The following GLT1D1 variants were observed in gnomAD, a reference collection of about 807,000 sequenced individuals.
The protein encoded by GLT1D1 is glycosyltransferase 1 domain containing 1.
Under a neutral mutation model 28.7 loss-of-function variants are expected in GLT1D1, and 21 were observed. The observed-to-expected ratio is 0.73, with a 90% CI of 0.52 to 1.05. GLT1D1 has a LOEUF of 1.05. Ranked by LOEUF, GLT1D1 falls within the 50% of genes least tolerant of loss-of-function variation. GLT1D1 has a pLI of 0.00. For synonymous variants in GLT1D1, 147 were observed against 124.8 expected (o/e 1.18, Z -1.19); for missense variants, 343 against 330.6 (o/e 1.04, Z -0.29).
intron 4 of GLT1D1, among the ~76,000 whole-genome samples, chr12:128,921,659 G>A (rs542233399): frequency 2.4e-4 from 36 of 152,112 alleles, no homozygotes; most frequent in South Asian, 1.9e-3. Flanking sequence ...ATCCCAGGAC[G>A]GGGGTAGTTG....
At chr12:128,893,181 G>T (rs945821326) in intron 3 of GLT1D1, among the ~76,000 whole-genome samples, 22 of 152,166 alleles carry the variant, frequency 1.4e-4, no homozygotes, top group African/African-American at 4.6e-4. Context: ...AGAGGCAGAG[G>T]TTGAAGTGAG....
chr12:128,960,117 C>T (rs181401036), intron 7 of GLT1D1, among the ~76,000 whole-genome samples: 5 of 152,252 alleles, frequency 3.3e-5, no homozygotes, highest in South Asian at 4.1e-4. Flanking sequence ...CACGACTCTG[C>T]GGCACTCACG....
chr12:128,976,059 G>A (rs1879735299), intron 7 of GLT1D1, among the ~76,000 whole-genome samples: 1 of 152,208 alleles, frequency 6.6e-6, no homozygotes, highest in African/African-American at 2.4e-5. Flanking sequence ...CATAAAATGT[G>A]ACCAGAGGGA....
At chr12:128,921,493 C>T (rs1872649962) in intron 4 of GLT1D1, among the ~76,000 whole-genome samples, 1 of 151,330 alleles carries the variant, frequency 6.6e-6, no homozygotes, top group Non-Finnish European at 1.5e-5. Context: ...TATATAAACT[C>T]TATGTCTATG....
intron 7 of GLT1D1, among the ~76,000 whole-genome samples, chr12:128,958,882 G>C (rs962955198): frequency 7.6e-6 from 1 of 132,114 alleles, no homozygotes; most frequent in Non-Finnish European, 1.5e-5. Context: ...GTGTAGCCCA[G>C]GCTGCAGTGC....
intron 1 of GLT1D1, chr12:128,864,041 G>A (rs774244380): frequency 2.0e-6 from 1 of 503,448 alleles, no homozygotes; most frequent in African/African-American, 2.0e-5. Flanking sequence ...AGCACTAGGG[G>A]GACTTCCAGG....
rs192328379 is a variant in GLT1D1, at chr12:128,899,028, G to A, written c.324-208G>A. Among the ~76,000 whole-genome samples, 222 of 152,314 alleles carry A rather than the reference G, an allele frequency of 1.5e-3. 2 individuals carry two copies. The highest frequency in any genetic ancestry group is 1.3e-3 in the Non-Finnish European group (88 of 68,026). On this transcript the variant is annotated intron_variant, in intron 3 of 7. Coordinates refer to ENST00000281703, the MANE Select transcript of GLT1D1 (RefSeq NM_144669.3). ...AGAAAAAATAGGAGTTTTGAGCTTC[G>A]TTTGGTTTACTTCTTGCATATAAAA...
rs146779895 is a variant in GLT1D1 at position 128,980,364 on chromosome 12, T to C, written c.640-2565T>C. ...AGAACTTCAAACATTCACGGTTCTC[T>C]TGTTGAAGAGGAGGAGCTGAGTGCC... On this transcript the variant is annotated intron_variant, in intron 7 of 7. Coordinates refer to ENST00000281703, the MANE Select transcript of GLT1D1 (RefSeq NM_144669.3). Among the ~76,000 whole-genome samples the C allele has an allele frequency of 2.2e-4, 34 of 152,322 alleles. 1 individual carries two copies. Among genetic ancestry groups the C allele is most frequent in the African/African-American group, 8.2e-4 (34 of 41,572 alleles).
At chr12:128,900,317 C>T (rs188327383) in intron 4 of GLT1D1, among the ~76,000 whole-genome samples, 22 of 152,278 alleles carry the variant, frequency 1.4e-4, no homozygotes, top group African/African-American at 5.3e-4. Context: ...AGGAACAGGG[C>T]TTATGCCCTG....
chr12:128,932,352 C>T (rs752366564), intron 4 of GLT1D1, among the ~76,000 whole-genome samples: 1 of 152,176 alleles, frequency 6.6e-6, no homozygotes, highest in African/African-American at 2.4e-5. Context: ...TCTGGAGCTG[C>T]ACGTCCAGCC....
At chr12:128,883,387 C>T (rs182536526) in intron 2 of GLT1D1, among the ~76,000 whole-genome samples, 5 of 149,936 alleles carry the variant, frequency 3.3e-5, no homozygotes, top group African/African-American at 7.3e-5. Context: ...GTCAGGAGTT[C>T]GAGACCAGCC....
At chr12:128,969,282 T>A (rs1462015788) in intron 7 of GLT1D1, among the ~76,000 whole-genome samples, 1 of 151,488 alleles carries the variant, frequency 6.6e-6, no homozygotes, top group African/African-American at 2.4e-5. Flanking sequence ...TCTCTCTCAC[T>A]CTCTCTCTCT....
chr12:128,944,154 TC>T (rs1875716323), intron 4 of GLT1D1: 1 of 335,950 alleles, frequency 3.0e-6, no homozygotes. Flanking sequence ...GAAATAAAAG[TC>T]ATATAATTTT....
chr12:128,947,178 G>A lies in GLT1D1; in HGVS notation c.420-160G>A. On this transcript the variant is annotated intron_variant, in intron 5 of 7. Coordinates refer to ENST00000281703, the MANE Select transcript of GLT1D1 (RefSeq NM_144669.3). ...CCCTTGTCAGGGACATGAGCTGTAA[G>A]GATTTCCACCCCAGTATAGTTCTCC... is the stretch of plus-strand genomic sequence containing the variant. 3 of 743,882 alleles carry A rather than the reference G, an allele frequency of 4.0e-6. No individual in the cohort carries two copies. In the East Asian group the frequency reaches 8.1e-5, roughly 20 times the overall value. 46.1% of individuals were successfully genotyped at this position (743,882 alleles called of 1,614,324 possible). A position where few individuals can be genotyped will look rare whatever the true frequency, so the allele number is the denominator to read the frequency against.
intron 3 of GLT1D1, among the ~76,000 whole-genome samples, chr12:128,893,580 A>G (rs1242858572): frequency 1.3e-5 from 2 of 152,022 alleles, no homozygotes; most frequent in African/African-American, 4.8e-5. Flanking sequence ...TTTTAATTTA[A>G]TTGAATTTTA....
chr12:128,856,711 T>C (rs956453438), intron 1 of GLT1D1, among the ~76,000 whole-genome samples: 1 of 152,050 alleles, frequency 6.6e-6, no homozygotes, highest in Non-Finnish European at 1.5e-5. Flanking sequence ...ATCTGGCTTG[T>C]ACATGTGGTG....
chr12:128,967,373 G>A (rs1006231951), intron 7 of GLT1D1, among the ~76,000 whole-genome samples: 1 of 152,230 alleles, frequency 6.6e-6, no homozygotes, highest in African/African-American at 2.4e-5. Context: ...GCAGGGCTGC[G>A]CTGAGATCTC....
chr12:128,912,862 G>T (rs1281459533), intron 4 of GLT1D1, among the ~76,000 whole-genome samples: 1 of 152,058 alleles, frequency 6.6e-6, no homozygotes, highest in Admixed American at 6.6e-5. Context: ...TAGAAATGGG[G>T]TTTCGCCATG....
chr12:128,918,883 A>C (rs144033771), intron 4 of GLT1D1, among the ~76,000 whole-genome samples: 125 of 152,322 alleles, frequency 8.2e-4, no homozygotes, highest in African/African-American at 3.0e-3. Flanking sequence ...TGATTAAGGG[A>C]ACAGCCAGGA....
Sources: allele counts gnomAD v4.1 joint callset (sites outside exome capture counted in the v4.1 genomes callset), GRCh38; gene constraint gnomAD v4.1.1; transcripts MANE v1.5; gene names NCBI Gene and HGNC (gene_info 2026-07-23, HGNC 2026-07-21).